The following RALGPS2 variants were observed in gnomAD, a reference collection of about 807,000 sequenced individuals.
RALGPS2 encodes ras-specific guanine nucleotide-releasing factor RalGPS2.
In RALGPS2, 43 loss-of-function variants were observed where a neutral mutation model predicts 86.8. That is an observed-to-expected ratio of 0.50 (90% confidence interval 0.39 to 0.64). The LOEUF is 0.64. Among genes scored for constraint, RALGPS2 ranks in the 30% least tolerant of loss-of-function variants. The pLI is 0.00. For missense variants in RALGPS2, 536 were observed against 694.6 expected, an observed-to-expected ratio of 0.77 and a Z score of 2.57; for synonymous variants, 243 against 231.3, an observed-to-expected ratio of 1.05 and a Z score of -0.46.
Position 178,920,400 on chromosome 1 carries a change from G to A in RALGPS2, c.*4041G>A, listed in dbSNP as rs1195732549. ...CCTTATTATTTGAAGAGCAATTTTA[G>A]GGCATCAAGTATGACAATAATCATG... On this transcript the variant is annotated 3_prime_UTR_variant, in exon 20 of 20. Transcript: ENST00000367635. 6.6e-6 allele frequency: 1 copy of A among 151,938 alleles called. No individual in the cohort carries two copies. The highest frequency in any genetic ancestry group is 1.9e-4 in the East Asian group (1 of 5,192). The allele number at this position is 151,938 out of a possible 1,614,324, so 9.4% of individuals were successfully genotyped here. A position where few individuals can be genotyped will look rare whatever the true frequency, so the allele number is the denominator to read the frequency against.
At chr1:178,893,635 A>T (rs190275799) in intron 15 of RALGPS2, among the ~76,000 whole-genome samples, 2 of 152,026 alleles carry the variant, frequency 1.3e-5, no homozygotes, top group Admixed American at 1.3e-4. Flanking sequence ...TTTTAATTTA[A>T]TATTTACTAA....
At chr1:178,748,807 C>T (rs914219527) in intron 1 of RALGPS2, among the ~76,000 whole-genome samples, 4 of 147,864 alleles carry the variant, frequency 2.7e-5, no homozygotes, top group Non-Finnish European at 3.0e-5. Context: ...GCCGAGATTG[C>T]GCCACTGCAT....
intron 4 of RALGPS2, among the ~76,000 whole-genome samples, chr1:178,789,069 G>A (rs540007994): frequency 3.3e-5 from 5 of 152,014 alleles, no homozygotes; most frequent in African/African-American, 7.2e-5. Flanking sequence ...ACCACGCCTC[G>A]CTAATTTTTG....
intron 8 of RALGPS2, among the ~76,000 whole-genome samples, chr1:178,838,134 T>G (rs924994665): frequency 6.6e-6 from 1 of 152,208 alleles, no homozygotes; most frequent in East Asian, 1.9e-4. Context: ...CAGAAACCTC[T>G]GCAGACTTAA....
chr1:178,857,921 CA>C (rs1657702181), intron 8 of RALGPS2, among the ~76,000 whole-genome samples: 1 of 152,072 alleles, frequency 6.6e-6, no homozygotes, highest in Admixed American at 6.5e-5. Flanking sequence ...ATGTTTAAAG[CA>C]AAATAGAGAG....
chr1:178,812,328 A>G (rs1023315430), intron 6 of RALGPS2, among the ~76,000 whole-genome samples: 1 of 152,128 alleles, frequency 6.6e-6, no homozygotes, highest in African/African-American at 2.4e-5. Flanking sequence ...GCGAAGGGAG[A>G]AGAACATGTT....
intron 1 of RALGPS2, among the ~76,000 whole-genome samples, chr1:178,753,026 C>T (rs908712983): frequency 1.1e-4 from 17 of 152,234 alleles, no homozygotes; most frequent in Non-Finnish European, 4.4e-5. Flanking sequence ...TTTCTTCAGA[C>T]TCAGTTCCTG....
At chr1:178,912,644 T>C (rs1020163514) in intron 19 of RALGPS2, among the ~76,000 whole-genome samples, 11 of 152,182 alleles carry the variant, frequency 7.2e-5, no homozygotes, top group Non-Finnish European at 1.6e-4. Flanking sequence ...GAGAATGTGA[T>C]GATTAAGTGT....
chr1:178,889,641 G>C lies in RALGPS2; in HGVS notation c.1193-1G>C. On this transcript the variant is annotated splice_acceptor_variant, in intron 13 of 19. Transcript: ENST00000367635. LOFTEE classifies it high-confidence loss of function. The stretch of plus-strand genomic sequence containing the variant: ...AAAAATAGGATAACTTTTCATTTTA[G>C]GTAGCAGCGATGGTTCTGAACTAAG... 1 of 1,598,448 alleles carries C rather than the reference G, an allele frequency of 6.3e-7. No homozygotes were observed. The highest frequency in any genetic ancestry group is 8.6e-7 in the Non-Finnish European group (1 of 1,168,922).
At chr1:178,757,956 A>G (rs1421445662) in intron 1 of RALGPS2, among the ~76,000 whole-genome samples, 6 of 151,928 alleles carry the variant, frequency 3.9e-5, no homozygotes, top group Non-Finnish European at 8.8e-5. Flanking sequence ...TTACTTATTC[A>G]GTTTTGGAAT....
At chr1:178,844,126 T>C (rs532601186) in intron 8 of RALGPS2, among the ~76,000 whole-genome samples, 1 of 152,278 alleles carries the variant, frequency 6.6e-6, no homozygotes, top group Admixed American at 6.5e-5. Context: ...GTAAAACTCA[T>C]TATGCAAATT....
chr1:178,855,283 G>A (rs984569244), intron 8 of RALGPS2, among the ~76,000 whole-genome samples: 3 of 147,576 alleles, frequency 2.0e-5, no homozygotes, highest in Admixed American at 6.7e-5. Flanking sequence ...AGATTGTTCC[G>A]TGAGGACAGA....
chr1:178,840,439 T>C (rs1656537821), intron 8 of RALGPS2, among the ~76,000 whole-genome samples: 1 of 152,168 alleles, frequency 6.6e-6, no homozygotes, highest in South Asian at 2.1e-4. Flanking sequence ...AATAAAGCTG[T>C]TCTTTGAAAC....
At chr1:178,732,652 C>T (rs1424114872) in intron 1 of RALGPS2, among the ~76,000 whole-genome samples, 1 of 151,682 alleles carries the variant, frequency 6.6e-6, no homozygotes, top group Non-Finnish European at 1.5e-5. Flanking sequence ...AATTATAATG[C>T]CTTACTATTG....
intron 8 of RALGPS2, among the ~76,000 whole-genome samples, chr1:178,844,720 G>A (rs1019171083): frequency 6.6e-6 from 1 of 152,190 alleles, no homozygotes; most frequent in Non-Finnish European, 1.5e-5. Context: ...TAAGGGGCTT[G>A]TTGAAGAATT....
At chr1:178,775,744 C>G (rs1653047351) in intron 1 of RALGPS2, among the ~76,000 whole-genome samples, 1 of 152,038 alleles carries the variant, frequency 6.6e-6, no homozygotes, top group Non-Finnish European at 1.5e-5. Context: ...GTGGGTATAT[C>G]TTCCCTAATT....
At chr1:178,770,608 C>T (rs1336676941) in intron 1 of RALGPS2, among the ~76,000 whole-genome samples, 1 of 146,950 alleles carries the variant, frequency 6.8e-6, no homozygotes, top group African/African-American at 2.5e-5. Flanking sequence ...TCCCGAGTAG[C>T]TGGTACAATA....
intron 6 of RALGPS2, among the ~76,000 whole-genome samples, chr1:178,812,354 T>A (rs1408172043): frequency 6.6e-6 from 1 of 152,092 alleles, no homozygotes; most frequent in Non-Finnish European, 1.5e-5. Context: ...AAGACAGATA[T>A]CTCAAGGAAG....
chr1:178,782,666 A>G (rs1300864774), intron 2 of RALGPS2, among the ~76,000 whole-genome samples: 2 of 151,774 alleles, frequency 1.3e-5, no homozygotes, highest in Admixed American at 6.6e-5. Context: ...ATACACACAC[A>G]CACCCTGCCT....
Sources: gnomAD v4.1 joint callset for allele counts (sites outside exome capture counted in the v4.1 genomes callset) on GRCh38, gnomAD v4.1.1 for gene constraint, MANE v1.5 for transcripts, NCBI Gene and HGNC (gene_info 2026-07-23, HGNC 2026-07-21) for gene names.